CLEC17A: variants seen among roughly 807,000 people sequenced by gnomAD.
CLEC17A encodes the protein C-type lectin domain family 17, member A.
CLEC17A carries 37 observed loss-of-function variants against 61.3 expected under a neutral mutation model. That is an observed-to-expected ratio of 0.60 (90% CI 0.46 to 0.79). CLEC17A has a LOEUF of 0.79. CLEC17A is among the 30% of genes least tolerant of loss of function. The pLI is 0.00. For missense variants in CLEC17A, 418 were observed against 464.7 expected (o/e 0.90, Z 0.92); for synonymous variants, 168 against 164.9 (o/e 1.02, Z -0.14).
At chr19:14,591,405 C>G (rs2074413056) in intron 3 of CLEC17A, among the ~76,000 whole-genome samples, 2 of 150,818 alleles carry the variant, frequency 1.3e-5, no homozygotes, top group Admixed American at 1.3e-4. Flanking sequence ...CTGACTGCCT[C>G]AGTCTCCCAA....
At chr19:14,583,484 C>T in intron 2 of CLEC17A, 50 bp downstream of exon 2, 1 of 1,609,606 alleles carries the variant, frequency 6.2e-7, no homozygotes, top group Non-Finnish European at 8.5e-7. Flanking sequence ...GGAATGGGGT[C>T]TCCAGTGGGC....
At position 14,611,143 on chromosome 19, in the gene CLEC17A, C is replaced by T. The variant is rs1019601463; in HGVS notation, c.*947C>T. ...TCCCCACATCATTGCAAATTACAAA[C>T]CTAAAAATACAGAACATCAGCGGAG... On this transcript the variant is annotated 3_prime_UTR_variant, in exon 14 of 14. Transcript: ENST00000417570. 6.6e-6 allele frequency: 1 copy of T among 151,880 alleles called. No individual in the cohort carries two copies. The highest frequency in any genetic ancestry group is 2.4e-5 in the African/African-American group (1 of 41,350). 9.4% of individuals were successfully genotyped at this position (151,880 alleles called of 1,614,324 possible).
chr19:14,610,537 T>A lies in CLEC17A; in HGVS notation c.*341T>A, dbSNP rs2075021323. On this transcript the variant is annotated 3_prime_UTR_variant, in exon 14 of 14. Transcript: ENST00000417570. ...AGGACCCTGGGGCTGGTGTTGAACC[T>A]GGGATGAAATATCCTGGCGCCTGTG... 4.4e-6 allele frequency: 1 copy of A among 228,218 alleles called. No homozygotes were observed. Among genetic ancestry groups the A allele is most frequent in the Admixed American group, 5.2e-5 (1 of 19,086 alleles). 14.1% of individuals were successfully genotyped at this position (228,218 alleles called of 1,614,324 possible).
upstream of CLEC17A, among the ~76,000 whole-genome samples, chr19:14,582,630 CAG>C (rs1003227247): frequency 5.9e-5 from 9 of 151,722 alleles, no homozygotes; most frequent in African/African-American, 2.2e-4. Flanking sequence ...TTTATTGAGA[CAG>C]AGTCTCACTC....
At chr19:14,587,564 A>G (rs767634255) in intron 2 of CLEC17A, 50 bp from the exon 3 acceptor site, 1 of 1,521,664 alleles carries the variant, frequency 6.6e-7, no homozygotes, top group Non-Finnish European at 8.9e-7. Flanking sequence ...GGCTTGAGGG[A>G]TGGAGGGAGG....
chr19:14,586,286 G>A (rs1328832822), intron 2 of CLEC17A, among the ~76,000 whole-genome samples: 2 of 152,098 alleles, frequency 1.3e-5, no homozygotes, highest in African/African-American at 2.4e-5. Context: ...CACTGTGCCC[G>A]GCTAATTTTG....
chr19:14,596,403 G>A (rs1458139849), intron 8 of CLEC17A, among the ~76,000 whole-genome samples: 2 of 152,110 alleles, frequency 1.3e-5, no homozygotes, highest in African/African-American at 2.4e-5. Flanking sequence ...GCTGAAGCAG[G>A]GAGGATCTCT....
chr19:14,594,080 C>A (rs532825919), intron 4 of CLEC17A, among the ~76,000 whole-genome samples: 2 of 151,974 alleles, frequency 1.3e-5, no homozygotes, highest in African/African-American at 4.8e-5. Flanking sequence ...GTCAGGAGTT[C>A]GAGACCAGCC....
intron 12 of CLEC17A, among the ~76,000 whole-genome samples, chr19:14,606,245 A>G (rs1033425066): frequency 5.9e-5 from 9 of 152,114 alleles, no homozygotes; most frequent in African/African-American, 2.2e-4. Flanking sequence ...CCACAGTATG[A>G]GGCTCTGCAC....
In CLEC17A at chr19:14,596,759, T is replaced by C. The variant is rs2074560858; in HGVS notation, c.446-117T>C. The C allele has an allele frequency of 5.7e-6, 7 of 1,234,258 alleles. No homozygotes were observed. The South Asian group carries it at 7.8e-5, about 14-fold the overall frequency. The allele number at this position is 1,234,258 out of a possible 1,614,324, so 76.5% of individuals were successfully genotyped here. A position where few individuals can be genotyped will look rare whatever the true frequency, so the allele number is the denominator to read the frequency against. On this transcript the variant is annotated intron_variant, in intron 8 of 13. Coordinates refer to ENST00000417570, the MANE Select transcript of CLEC17A (RefSeq NM_001204118.2). ...ACCCTCTCTTGCTGACTTCATCTGC[T>C]GAAACAGTCATGACTACAGACTTCT...
At chr19:14,586,774 A>G (rs1350811557) in intron 2 of CLEC17A, among the ~76,000 whole-genome samples, 1 of 152,048 alleles carries the variant, frequency 6.6e-6, no homozygotes, top group East Asian at 1.9e-4. Context: ...GTCTAGATTG[A>G]AGGAAGAAGT....
chr19:14,590,262 G>A (rs1250108965), intron 3 of CLEC17A, among the ~76,000 whole-genome samples: 1 of 151,912 alleles, frequency 6.6e-6, no homozygotes, highest in Non-Finnish European at 1.5e-5. Context: ...ACTTCCAGGA[G>A]GCACTTCCTG....
chr19:14,595,899 T>A (rs866184808), intron 8 of CLEC17A, among the ~76,000 whole-genome samples: 1 of 134,340 alleles, frequency 7.4e-6, no homozygotes, highest in Non-Finnish European at 1.6e-5. Context: ...ATGATAGTGG[T>A]GGTAGTGATG....
intron 8 of CLEC17A, among the ~76,000 whole-genome samples, 193 bp downstream of exon 8, chr19:14,595,508 G>A (rs1249020402): frequency 6.6e-6 from 1 of 152,206 alleles, no homozygotes; most frequent in Admixed American, 6.5e-5. Flanking sequence ...ATCAGAGTTT[G>A]CAAACGTGTA....
intron 7 of CLEC17A, 29 bp from the exon 8 acceptor site, chr19:14,595,245 G>T (rs753740703): frequency 6.2e-7 from 1 of 1,613,526 alleles, no homozygotes; most frequent in South Asian, 1.1e-5. Flanking sequence ...GGCATCTTCT[G>T]AATAAACCTC....
chr19:14,607,600 CGGA>C (rs990335625), intron 13 of CLEC17A, among the ~76,000 whole-genome samples: 2 of 148,500 alleles, frequency 1.3e-5, no homozygotes, highest in African/African-American at 5.0e-5. Flanking sequence ...TTCTTTGAGA[CGGA>C]GTCTCGCTGT....
rs1476539988 is a variant in CLEC17A, at chr19:14,610,283, C to T, written c.*87C>T. 1.2e-5 allele frequency: 18 copies of T among 1,505,130 alleles called. No individual in the cohort carries two copies. Among genetic ancestry groups the T allele is most frequent in the African/African-American group, 4.1e-5 (3 of 72,436 alleles). 93.2% of individuals were successfully genotyped at this position (1,505,130 alleles called of 1,614,324 possible). ...CCTTTCGTGGACGGCCTTGCCTCTT[C>T]GTGAGTGGACACACAGATGTGCCTC... On this transcript the variant is annotated 3_prime_UTR_variant, in exon 14 of 14. Transcript: ENST00000417570.
Position 14,610,265 on chromosome 19 carries a change from T to A in CLEC17A, c.*69T>A. 1 of 1,531,608 alleles carries A rather than the reference T, an allele frequency of 6.5e-7. No individual in the cohort carries two copies. The highest frequency in any genetic ancestry group is 1.2e-5 in the South Asian group (1 of 82,806). 94.9% of individuals were successfully genotyped at this position (1,531,608 alleles called of 1,614,324 possible). On this transcript the variant is annotated 3_prime_UTR_variant, in exon 14 of 14. Transcript: ENST00000417570. ...GAGATGAGAATCTCCTGCCCTTTCG[T>A]GGACGGCCTTGCCTCTTCGTGAGTG...
chr19:14,597,306 C>T (rs1037903328), intron 10 of CLEC17A, 145 bp downstream of exon 10: 3 of 735,374 alleles, frequency 4.1e-6, no homozygotes, highest in African/African-American at 3.5e-5. Context: ...ACATGTCAGA[C>T]ACAGTCTTTG....
Sources: allele counts gnomAD v4.1 joint callset (sites outside exome capture counted in the v4.1 genomes callset), GRCh38; gene constraint gnomAD v4.1.1; transcripts MANE v1.5; gene names NCBI Gene and HGNC (gene_info 2026-07-23, HGNC 2026-07-21).